The following TEX10 variants were observed in gnomAD, a reference collection of about 807,000 sequenced individuals.
TEX10 encodes testis expressed 10, also known as testis-expressed protein 10.
Under a neutral mutation model 104.4 loss-of-function variants are expected in TEX10, and 24 were observed. That is an observed-to-expected ratio of 0.23 (90% CI 0.17 to 0.32). TEX10 has a LOEUF of 0.32. Ranked by LOEUF, TEX10 falls within the 10% of genes least tolerant of loss-of-function variation. The probability of loss-of-function intolerance (pLI) is 1.00; values close to 1 mark genes in which losing one functional copy is unlikely to be tolerated. For synonymous variants in TEX10, 396 were observed against 393.4 expected, an observed-to-expected ratio of 1.01 and a Z score of -0.08; for missense variants, 921 against 1,083.9, an observed-to-expected ratio of 0.85 and a Z score of 2.11.
chr9:100,342,559 A>G (rs937402168), intron 4 of TEX10, among the ~76,000 whole-genome samples: 4 of 152,216 alleles, frequency 2.6e-5, no homozygotes, highest in Non-Finnish European at 4.4e-5. Flanking sequence ...ATTGAATTTT[A>G]AATTTTAATT....
chr9:100,336,887 T>C (rs1224147949), intron 5 of TEX10, among the ~76,000 whole-genome samples: 1 of 152,208 alleles, frequency 6.6e-6, no homozygotes, highest in Admixed American at 6.5e-5. Flanking sequence ...CAAAAATCAA[T>C]CATGAGGGGG....
chr9:100,352,430 G>C (rs1835478436), intron 1 of TEX10: 1 of 1,551,748 alleles, frequency 6.4e-7, no homozygotes, highest in Non-Finnish European at 8.7e-7. Context: ...ATGGGTTTTA[G>C]GAAACCATCG....
chr9:100,326,152 T>TA (rs1439856460), intron 9 of TEX10, 150 bp downstream of exon 9: 114 of 758,490 alleles, frequency 1.5e-4, no homozygotes, highest in Non-Finnish European at 3.0e-5. Context: ...CTTGTGAACT[T>TA]ACTCTACCTA....
intron 11 of TEX10, among the ~76,000 whole-genome samples, chr9:100,315,516 A>G (rs1448454199): frequency 1.3e-5 from 2 of 152,138 alleles, no homozygotes; most frequent in Non-Finnish European, 2.9e-5. Context: ...TCCGTTCATC[A>G]TTACATAATG....
intron 13 of TEX10, 94 bp downstream of exon 13, chr9:100,308,406 T>G (rs1834193244): frequency 1.1e-5 from 12 of 1,113,354 alleles, no homozygotes; most frequent in Non-Finnish European, 1.5e-5. Flanking sequence ...AAGGTATCTG[T>G]ATAACCTAAT....
chr9:100,329,427 A>G (rs925853825), intron 6 of TEX10, 152 bp from the exon 7 acceptor site: 61 of 776,446 alleles, frequency 7.9e-5, no homozygotes, highest in Non-Finnish European at 1.1e-4. Flanking sequence ...TCCTATAGCA[A>G]TAGCCTAATA....
chr9:100,302,856 T>G (rs1009077003), intron 14 of TEX10, among the ~76,000 whole-genome samples: 2 of 152,174 alleles, frequency 1.3e-5, no homozygotes, highest in Admixed American at 1.3e-4. Flanking sequence ...AAAAGCACTA[T>G]TACTTCAAAG....
At position 100,310,350 on chromosome 9, in the gene TEX10, A is replaced by G. The variant is rs779297684; in HGVS notation, c.2232T>C (p.Pro744=). 1.2e-6 allele frequency: 2 copies of G among 1,614,156 alleles called. No individual in the cohort carries two copies. The highest frequency in any genetic ancestry group is 2.2e-5 in the South Asian group (2 of 91,060). ...AGATGTCAAAGTTCTGACTTCGGGCAGGAATAACCAATAAACTGTGAAAAA... is the reference window on the plus strand; with the variant it reads ...AGATGTCAAAGTTCTGACTTCGGGCGGGAATAACCAATAAACTGTGAAAAA... The part of the protein sequence containing the change: ...EAVFHSLLVI[P]ARSQNFDILQ... The change falls in exon 12 of 15, where the codon CCT becomes CCC. Residue 744 remains proline (P), a synonymous_variant. Transcript: ENST00000374902.
At chr9:100,321,627 A>C in intron 10 of TEX10, 56 bp downstream of exon 10, 5 of 1,363,290 alleles carry the variant, frequency 3.7e-6, no homozygotes, top group Middle Eastern at 2.1e-4. Context: ...TTAGAAGGAG[A>C]ATTGTGATTC....
intron 8 of TEX10, 35 bp from the exon 9 acceptor site, chr9:100,326,514 T>C: frequency 6.4e-7 from 1 of 1,568,756 alleles, no homozygotes; most frequent in Non-Finnish European, 8.6e-7. Flanking sequence ...AAAACAACTA[T>C]AAAAGACATG....
intron 5 of TEX10, among the ~76,000 whole-genome samples, chr9:100,339,354 T>TTATATATTTA (rs994732607): frequency 9.1e-4 from 75 of 82,264 alleles, no homozygotes; most frequent in Non-Finnish European, 1.3e-3. Context: ...ATATACATTT[T>TTATATATTTA]TATATATTTA....
intron 12 of TEX10, among the ~76,000 whole-genome samples, chr9:100,309,019 C>G (rs1436962629): frequency 6.6e-6 from 1 of 152,154 alleles, no homozygotes; most frequent in Admixed American, 6.5e-5. Flanking sequence ...CAAAGAAAAT[C>G]TGAATACCAA....
chr9:100,314,212 C>T (rs189143463), intron 11 of TEX10, among the ~76,000 whole-genome samples: 15 of 151,962 alleles, frequency 9.9e-5, no homozygotes, highest in African/African-American at 2.7e-4. Flanking sequence ...CTCAGCCTCC[C>T]GGGTAGCAGG....
At chr9:100,316,204 G>A (rs1033756434) in intron 11 of TEX10, among the ~76,000 whole-genome samples, 5 of 152,146 alleles carry the variant, frequency 3.3e-5, no homozygotes, top group African/African-American at 1.2e-4. Flanking sequence ...TCTCAGGGGT[G>A]CAAGAATGGT....
intron 9 of TEX10, among the ~76,000 whole-genome samples, chr9:100,325,582 G>A (rs1478621888): frequency 1.3e-5 from 2 of 152,130 alleles, no homozygotes; most frequent in Admixed American, 6.5e-5. Context: ...CCAGATTGGA[G>A]TGCAGTGGTG....
rs1215025335 is a variant in TEX10, at chr9:100,329,962, G to A, written c.1458C>T (p.Ser486=). The change falls in exon 6 of 15, where the codon TCC becomes TCT. Residue 486 remains serine, a synonymous_variant. Transcript: ENST00000374902. Reference sequence around the variant, plus strand: ...TTGGCTGTATTTGCATTAACCTCCAGGATACTCCCAGCAATCTGTTCAGTT... The same window carrying A: ...TTGGCTGTATTTGCATTAACCTCCAAGATACTCCCAGCAATCTGTTCAGTT... ...SKQLNRLLGV[S]WRLMQIQPNR... 6.2e-7 allele frequency: 1 copy of A among 1,613,604 alleles called. No individual in the cohort carries two copies. Among genetic ancestry groups the A allele is most frequent in the Non-Finnish European group, 8.5e-7 (1 of 1,179,744 alleles).
rs754079763 is a variant in TEX10 at position 100,343,336 on chromosome 9, C to CA, written c.1137+2735dup. Among the ~76,000 whole-genome samples, 454 of 118,278 alleles carry CA rather than the reference C, an allele frequency of 3.8e-3. 2 individuals carry two copies. Among genetic ancestry groups the CA allele is most frequent in the East Asian group, 0.019 (89 of 4,574 alleles). The allele number at this position is 118,278 out of a possible 152,430, so 77.6% of individuals were successfully genotyped here. A position where few individuals can be genotyped will look rare whatever the true frequency, so the allele number is the denominator to read the frequency against. ...AATAAAAAAGATAGGTAAGGGAATG[C>CA]AAAAAAAAAAAAGAAAGAAAGAAAA... On this transcript the variant is annotated intron_variant, in intron 4 of 14. Transcript: ENST00000374902.
chr9:100,315,602 A>G (rs1834396175), intron 11 of TEX10, among the ~76,000 whole-genome samples: 1 of 152,112 alleles, frequency 6.6e-6, no homozygotes, highest in South Asian at 2.1e-4. Context: ...ACTCCTGCTC[A>G]CTTGTGGTTT....
At chr9:100,338,417 C>A (rs1162025827) in intron 5 of TEX10, among the ~76,000 whole-genome samples, 1 of 152,194 alleles carries the variant, frequency 6.6e-6, no homozygotes, top group Non-Finnish European at 1.5e-5. Flanking sequence ...TCAGTACCTG[C>A]CTGAGGAGCA....
Sources: allele counts gnomAD v4.1 joint callset (sites outside exome capture counted in the v4.1 genomes callset), GRCh38; gene constraint gnomAD v4.1.1; transcripts MANE v1.5; gene names NCBI Gene and HGNC (gene_info 2026-07-23, HGNC 2026-07-21).